Variants in RHBDL2 observed in about 807,000 individuals in gnomAD.
The protein encoded by RHBDL2 is rhomboid-related protein 2.
RHBDL2 carries 26 observed loss-of-function variants against 31.7 expected under a neutral mutation model. The ratio of observed to expected loss-of-function variants is 0.82; its 90% confidence interval spans 0.60 to 1.14. The LOEUF (loss-of-function observed/expected upper bound fraction) is 1.14. Among genes scored for constraint, RHBDL2 ranks in the 50% most tolerant of loss-of-function variants. RHBDL2 has a pLI of 0.00. For missense variants in RHBDL2, 336 were observed against 364.4 expected (o/e 0.92, Z 0.63); for synonymous variants, 123 against 127.2 (o/e 0.97, Z 0.22).
chr1:38,909,203 T>C (rs1424682743), intron 4 of RHBDL2, among the ~76,000 whole-genome samples: 5 of 152,042 alleles, frequency 3.3e-5, no homozygotes, highest in Non-Finnish European at 7.4e-5. Flanking sequence ...TATTGGAAAA[T>C]GCAACATTTG....
chr1:38,888,028 GA>G lies in RHBDL2; in HGVS notation c.671-5del. 1 of 1,610,026 alleles carries G rather than the reference GA, an allele frequency of 6.2e-7. No homozygotes were observed. Among genetic ancestry groups the G allele is most frequent in the Non-Finnish European group, 8.5e-7 (1 of 1,176,978 alleles). ...GCAAATCCCATGTCCAACACAACTA[GA>G]AGGAAAAACACCCTGATAAAGGCTC... On this transcript the variant is annotated splice_region_variant and splice_polypyrimidine_tract_variant and intron_variant, in intron 6 of 7. Coordinates refer to ENST00000372990, the MANE Select transcript of RHBDL2 (RefSeq NM_017821.5).
At chr1:38,914,389 A>G (rs1643200644) in intron 3 of RHBDL2, among the ~76,000 whole-genome samples, 2 of 151,798 alleles carry the variant, frequency 1.3e-5, no homozygotes, top group South Asian at 2.1e-4. Flanking sequence ...TTACAAGCGC[A>G]TGCCACCACG....
chr1:38,933,293 G>A (rs987909784), intron 1 of RHBDL2, among the ~76,000 whole-genome samples: 9 of 152,012 alleles, frequency 5.9e-5, no homozygotes, highest in Admixed American at 2.0e-4. Flanking sequence ...TACACACAAG[G>A]TTGGTCTTGA....
At chr1:38,934,840 C>G (rs1643476838) in intron 1 of RHBDL2, among the ~76,000 whole-genome samples, 2 of 151,664 alleles carry the variant, frequency 1.3e-5, no homozygotes, top group Admixed American at 1.3e-4. Flanking sequence ...CACCTGTAAT[C>G]CCAGCTATTT....
At chr1:38,925,956 A>G (rs1006332930) in intron 1 of RHBDL2, 1 of 1,271,094 alleles carries the variant, frequency 7.9e-7, no homozygotes, top group Non-Finnish European at 1.0e-6. Flanking sequence ...TAAATTACCA[A>G]AATTGCAAGT....
intron 1 of RHBDL2, among the ~76,000 whole-genome samples, chr1:38,921,252 C>A (rs1336951791): frequency 6.6e-6 from 1 of 152,122 alleles, no homozygotes; most frequent in East Asian, 1.9e-4. Flanking sequence ...CATAGTGGCA[C>A]GTGCCTGTAC....
chr1:38,915,202 G>A (rs1163871721), intron 3 of RHBDL2, among the ~76,000 whole-genome samples: 1 of 149,324 alleles, frequency 6.7e-6, no homozygotes, highest in Non-Finnish European at 1.5e-5. Flanking sequence ...GCACGATCTC[G>A]GCTTACTGCA....
At chr1:38,914,041 AG>A (rs1643194467) in intron 3 of RHBDL2, among the ~76,000 whole-genome samples, 1 of 151,544 alleles carries the variant, frequency 6.6e-6, no homozygotes, top group South Asian at 2.1e-4. Flanking sequence ...GGCTTAAACC[AG>A]GGAGCCAGAG....
At chr1:38,887,894 C>A in intron 7 of RHBDL2, 69 bp downstream of exon 7, 2 of 1,110,134 alleles carry the variant, frequency 1.8e-6, no homozygotes, top group Non-Finnish European at 2.7e-6. Flanking sequence ...AGCGTTGTAA[C>A]CCCTATTTGA....
intron 1 of RHBDL2, among the ~76,000 whole-genome samples, chr1:38,936,871 T>C (rs1643516757): frequency 6.6e-6 from 1 of 152,122 alleles, no homozygotes; most frequent in Non-Finnish European, 1.5e-5. Context: ...TGACCTCAAG[T>C]CATCCACCCA....
intron 6 of RHBDL2, among the ~76,000 whole-genome samples, chr1:38,888,356 G>A (rs189430522): frequency 6.8e-6 from 1 of 146,408 alleles, no homozygotes; most frequent in African/African-American, 2.4e-5. Context: ...GGGGGTATGT[G>A]GGGGGGTGAT....
chr1:38,907,348 T>C (rs1643080752), intron 4 of RHBDL2, among the ~76,000 whole-genome samples: 2 of 151,532 alleles, frequency 1.3e-5, no homozygotes, highest in South Asian at 4.2e-4. Context: ...GAGACCAGCC[T>C]GGCCAACATG....
chr1:38,936,742 C>A (rs1315967438), intron 1 of RHBDL2, among the ~76,000 whole-genome samples: 1 of 151,936 alleles, frequency 6.6e-6, no homozygotes, highest in Non-Finnish European at 1.5e-5. Context: ...TCAGGTGATC[C>A]ACCCACCTCA....
intron 3 of RHBDL2, chr1:38,913,588 C>T (rs1162450587): frequency 6.6e-6 from 1 of 151,064 alleles, no homozygotes; most frequent in Non-Finnish European, 1.5e-5. Flanking sequence ...GGACTCAAAG[C>T]GATCCTCCTT....
At chr1:38,911,524 T>G in intron 3 of RHBDL2, 90 bp from the exon 4 acceptor site, 1 of 821,724 alleles carries the variant, frequency 1.2e-6, no homozygotes, top group Non-Finnish European at 2.0e-6. Context: ...GTGTTTTCTC[T>G]AGTTAAGGAT....
intron 6 of RHBDL2, among the ~76,000 whole-genome samples, chr1:38,888,345 G>C (rs1570909596): frequency 6.6e-6 from 1 of 151,964 alleles, no homozygotes; most frequent in African/African-American, 2.4e-5. Context: ...ACAAACTGTT[G>C]GGGGGTATGT....
chr1:38,931,671 A>G (rs937393605), intron 1 of RHBDL2, among the ~76,000 whole-genome samples: 7 of 151,976 alleles, frequency 4.6e-5, no homozygotes, highest in African/African-American at 1.4e-4. Flanking sequence ...AATGCCTTGT[A>G]TGTGTTAGGC....
At chr1:38,894,733 A>C in intron 5 of RHBDL2, among the ~76,000 whole-genome samples, 1 of 101,300 alleles carries the variant, frequency 9.9e-6, no homozygotes, top group Non-Finnish European at 1.9e-5. Context: ...TTTGAGACAG[A>C]GTCTTGCTTT....
chr1:38,938,827 T>A (rs894476992), intron 1 of RHBDL2, among the ~76,000 whole-genome samples: 1 of 152,206 alleles, frequency 6.6e-6, no homozygotes, highest in Admixed American at 6.5e-5. Flanking sequence ...GTCTTCTTTG[T>A]ATTATAACTG....
Sources: gnomAD v4.1 joint callset for allele counts (sites outside exome capture counted in the v4.1 genomes callset) on GRCh38, gnomAD v4.1.1 for gene constraint, MANE v1.5 for transcripts, NCBI Gene and HGNC (gene_info 2026-07-23, HGNC 2026-07-21) for gene names.